PCDHAC1: variants seen among roughly 807,000 people sequenced by gnomAD.
PCDHAC1 encodes protocadherin alpha subfamily C, 1.
In PCDHAC1, 42 loss-of-function variants were observed where a neutral mutation model predicts 60.0. The ratio of observed to expected loss-of-function variants is 0.70; its 90% CI spans 0.55 to 0.90. PCDHAC1 has a LOEUF of 0.90. PCDHAC1 is among the 40% of genes least tolerant of loss of function. The pLI, the probability that PCDHAC1 is intolerant of heterozygous loss-of-function variation, is 0.00. For missense variants in PCDHAC1, 1,160 were observed against 1,222.3 expected, an observed-to-expected ratio of 0.95 and a Z score of 0.76; for synonymous variants, 468 against 499.3, an observed-to-expected ratio of 0.94 and a Z score of 0.84.
At chr5:140,960,444 T>C in intron 1 of PCDHAC1, among the ~76,000 whole-genome samples, 1 of 152,022 alleles carries the variant, frequency 6.6e-6, no homozygotes, top group Non-Finnish European at 1.5e-5. Context: ...TAGATATATG[T>C]ATGGATAATT....
chr5:140,965,229 C>A (rs1554227498), intron 1 of PCDHAC1, among the ~76,000 whole-genome samples: 1 of 152,124 alleles, frequency 6.6e-6, no homozygotes, highest in Non-Finnish European at 1.5e-5. Context: ...AATGTGAGAA[C>A]CTGGGAAGAG....
intron 3 of PCDHAC1, among the ~76,000 whole-genome samples, chr5:140,986,690 AAC>A (rs2097209708): frequency 6.6e-6 from 1 of 152,172 alleles, no homozygotes; most frequent in South Asian, 2.1e-4. Context: ...AAAGTTTCAA[AAC>A]ACACAGCACT....
At chr5:140,972,660 A>ATTTTTTTTTTTTTTTTTTTTTTTTTT (rs11350929) in intron 1 of PCDHAC1, among the ~76,000 whole-genome samples, 1 of 117,268 alleles carries the variant, frequency 8.5e-6, no homozygotes, top group Non-Finnish European at 1.7e-5. Context: ...AAGAAACCAA[A>ATTTTTTTTTTTTTTTTTTTTTTTTTT]TTTTTTTTTT....
In PCDHAC1 at chr5:140,982,572, C is replaced by T; in HGVS notation, c.2581+9C>T. On this transcript the variant is annotated intron_variant, in intron 3 of 3. Coordinates refer to ENST00000253807, the MANE Select transcript of PCDHAC1 (RefSeq NM_018898.5). ...ATCCAGTGCAACACCAGGTAAAGAG[C>T]TGGGGTCTCTCCATTCTTTCTTGGT... is the stretch of plus-strand genomic sequence containing the variant. 4 of 1,613,760 alleles carry T rather than the reference C, an allele frequency of 2.5e-6. No homozygotes were observed. Among genetic ancestry groups the T allele is most frequent in the Non-Finnish European group, 3.4e-6 (4 of 1,179,726 alleles).
chr5:140,958,775 A>C (rs1179723793), intron 1 of PCDHAC1, among the ~76,000 whole-genome samples: 1 of 152,170 alleles, frequency 6.6e-6, no homozygotes, highest in African/African-American at 2.4e-5. Flanking sequence ...GTTTGAAATC[A>C]ACTTTCTATT....
At chr5:140,967,845 A>G in intron 1 of PCDHAC1, 3 of 1,614,160 alleles carry the variant, frequency 1.9e-6, no homozygotes, top group Non-Finnish European at 2.5e-6. Flanking sequence ...GACGTGAATG[A>G]CAATGCCCCA....
chr5:140,927,658 C>T lies in PCDHAC1; in HGVS notation c.766C>T (p.Gln256Ter), dbSNP rs782350503. ...APNGTVLFRVQALDPDEGSNG... is the reference protein window; with the variant it reads ...APNGTVLFRV Reference sequence around the variant, plus strand: ...CAATGGGACTGTGTTATTCCGAGTTCAAGCCTTGGATCCAGATGAAGGGTC... The same window carrying T: ...CAATGGGACTGTGTTATTCCGAGTTTAAGCCTTGGATCCAGATGAAGGGTC... The change falls in exon 1 of 4, where the codon CAA becomes TAA. Residue 256 changes from glutamine (Q) to a stop codon, truncating the protein, a stop_gained. Coordinates refer to ENST00000253807, the MANE Select transcript of PCDHAC1 (RefSeq NM_018898.5). LOFTEE classifies it high-confidence loss of function. 5.0e-6 allele frequency: 8 copies of T among 1,614,094 alleles called. No individual in the cohort carries two copies. Among genetic ancestry groups the T allele is most frequent in the Non-Finnish European group, 6.8e-6 (8 of 1,180,038 alleles).
chr5:140,927,254 C>T lies in PCDHAC1; in HGVS notation c.362C>T (p.Ser121Leu). Residue 121 changes from serine to leucine, a missense_variant, in exon 1 of 4, where the codon TCA becomes TTA. Around this residue, in one of 3 missense-constraint regions of PCDHAC1, gnomAD observed 1,113 missense variants for 1,163.7 expected, o/e 0.96. Coordinates refer to ENST00000253807, the MANE Select transcript of PCDHAC1 (RefSeq NM_018898.5). ...CACGTCCTGGACACCAATGACAACTCACCTCTCTTTCCTGCCGGCGACGTG... is the reference window on the plus strand; with the variant it reads ...CACGTCCTGGACACCAATGACAACTTACCTCTCTTTCCTGCCGGCGACGTG... ...RIHVLDTNDN[S>L]PLFPAGDVQL... 2 of 1,614,132 alleles carry T rather than the reference C, an allele frequency of 1.2e-6. No individual in the cohort carries two copies. Among genetic ancestry groups the T allele is most frequent in the Non-Finnish European group, 1.7e-6 (2 of 1,180,028 alleles).
At chr5:140,994,848 T>C (rs1453646097) in intron 3 of PCDHAC1, among the ~76,000 whole-genome samples, 2 of 151,686 alleles carry the variant, frequency 1.3e-5, no homozygotes, top group East Asian at 3.9e-4. Flanking sequence ...ATAAGATGAG[T>C]GCATTTGATG....
chr5:140,973,653 A>G (rs2096597249), intron 1 of PCDHAC1, among the ~76,000 whole-genome samples: 1 of 152,202 alleles, frequency 6.6e-6, no homozygotes, highest in African/African-American at 2.4e-5. Context: ...TGAAGAAGAA[A>G]TCTATTTATT....
At chr5:140,976,454 G>A (rs550788004) in intron 1 of PCDHAC1, among the ~76,000 whole-genome samples, 18 of 152,214 alleles carry the variant, frequency 1.2e-4, no homozygotes, top group South Asian at 2.1e-4. Flanking sequence ...GGGAGGCTGG[G>A]GAAGAAGAAT....
At chr5:140,945,142 A>G (rs2093746990) in intron 1 of PCDHAC1, among the ~76,000 whole-genome samples, 1 of 152,184 alleles carries the variant, frequency 6.6e-6, no homozygotes. Context: ...AATCAATAGC[A>G]TTTCTATACA....
intron 1 of PCDHAC1, among the ~76,000 whole-genome samples, chr5:140,938,945 T>A (rs1390189208): frequency 6.6e-6 from 1 of 152,154 alleles, no homozygotes; most frequent in African/African-American, 2.4e-5. Context: ...TCCATTCTTA[T>A]AATGCTCTAG....
intron 3 of PCDHAC1, chr5:140,989,125 T>G (rs2097330563): frequency 6.6e-6 from 1 of 152,152 alleles, no homozygotes; most frequent in Non-Finnish European, 1.5e-5. Context: ...CTTAGAAAAA[T>G]AAGACACTTT....
At chr5:140,967,113 G>T in intron 1 of PCDHAC1, 1 of 1,612,880 alleles carries the variant, frequency 6.2e-7, no homozygotes, top group Non-Finnish European at 8.5e-7. Flanking sequence ...CAGCGGCCTC[G>T]CTGCCTGCTC....
chr5:140,966,714 G>C, intron 1 of PCDHAC1: 1 of 1,394,064 alleles, frequency 7.2e-7, no homozygotes, highest in South Asian at 1.6e-5. Flanking sequence ...GGCACGGCTG[G>C]GGAAGCTGCC....
chr5:140,968,492 G>A (rs2096250539), intron 1 of PCDHAC1: 2 of 1,614,074 alleles, frequency 1.2e-6, no homozygotes, highest in African/African-American at 1.3e-5. Flanking sequence ...GAATGACCAT[G>A]CCCCTCACAT....
intron 1 of PCDHAC1, among the ~76,000 whole-genome samples, chr5:140,939,244 A>AG: frequency 6.6e-6 from 1 of 152,270 alleles, no homozygotes; most frequent in Admixed American, 6.5e-5. Flanking sequence ...GGAGCAAGGT[A>AG]GCTCTCTGGA....
At position 141,010,329 on chromosome 5, in the gene PCDHAC1, GTTTGTGGCCACTGGGTA is replaced by G. The variant is rs1554262887; in HGVS notation, c.*394_*410del. The G allele has an allele frequency of 1.9e-6, 3 of 1,538,554 alleles. No individual in the cohort carries two copies. The East Asian group carries it at 7.3e-5, about 38-fold the overall frequency. ...AGTTTTGAGATTGAGCAGCTTGGGA[GTTTGTGGCCACTGGGTA>G]TGTGTGGCTACCGCGGGTATGCGAG... On this transcript the variant is annotated 3_prime_UTR_variant, in exon 4 of 4. Coordinates refer to ENST00000253807, the MANE Select transcript of PCDHAC1 (RefSeq NM_018898.5).
Sources: allele counts gnomAD v4.1 joint callset (sites outside exome capture counted in the v4.1 genomes callset), GRCh38; gene constraint gnomAD v4.1.1; regional missense constraint gnomAD v4.1.1; transcripts MANE v1.5; gene names NCBI Gene and HGNC (gene_info 2026-07-23, HGNC 2026-07-21).